LY86: variants seen among roughly 807,000 people sequenced by gnomAD.
LY86 encodes lymphocyte antigen 86.
A neutral mutation model predicts 17.3 loss-of-function variants in LY86; 20 were observed. The observed-to-expected ratio is 1.15, with a 90% CI of 0.81 to 1.68. LY86 has a LOEUF of 1.68. Among genes scored for constraint, LY86 ranks in the 40% most tolerant of loss-of-function variants. LY86 has a pLI of 0.00. For synonymous variants in LY86, 74 were observed against 70.6 expected (o/e 1.05, Z -0.24); for missense variants, 200 against 191.9 (o/e 1.04, Z -0.25).
chr6:6,597,310 AG>A (rs1376178119), intron 1 of LY86, among the ~76,000 whole-genome samples: 2 of 152,196 alleles, frequency 1.3e-5, no homozygotes, highest in African/African-American at 4.8e-5. Flanking sequence ...GTGCCCCATG[AG>A]GCAGGAGCTC....
intron 1 of LY86, 99 bp downstream of exon 1, chr6:6,588,969 G>A (rs1053335635): frequency 2.8e-6 from 4 of 1,439,220 alleles, no homozygotes; most frequent in African/African-American, 1.4e-5. Context: ...GGAGGGGAGA[G>A]GGGACCAGCA....
intron 1 of LY86, 78 bp downstream of exon 1, chr6:6,588,948 G>A: frequency 6.7e-7 from 1 of 1,484,892 alleles, no homozygotes; most frequent in Non-Finnish European, 9.0e-7. Flanking sequence ...TGCTCAGTTG[G>A]AGTTGGGGTG....
chr6:6,642,652 C>A (rs926276877), intron 3 of LY86, among the ~76,000 whole-genome samples: 11 of 152,172 alleles, frequency 7.2e-5, no homozygotes, highest in African/African-American at 2.7e-4. Flanking sequence ...CCTAACTTAC[C>A]AGCTCCAAGT....
At chr6:6,630,002 C>A (rs1224110305) in intron 3 of LY86, among the ~76,000 whole-genome samples, 1 of 152,164 alleles carries the variant, frequency 6.6e-6, no homozygotes, top group Non-Finnish European at 1.5e-5. Flanking sequence ...ACTGTTGAAT[C>A]CTATTGTATA....
At chr6:6,631,496 G>A (rs1761898997) in intron 3 of LY86, among the ~76,000 whole-genome samples, 1 of 152,168 alleles carries the variant, frequency 6.6e-6, no homozygotes, top group Non-Finnish European at 1.5e-5. Flanking sequence ...ATCATCTTTG[G>A]GCATAACCAG....
chr6:6,645,335 C>A (rs1197686323), intron 3 of LY86, among the ~76,000 whole-genome samples: 1 of 152,220 alleles, frequency 6.6e-6, no homozygotes. Flanking sequence ...CCATTTCTAC[C>A]CTTCCTGGGG....
Position 6,654,613 on chromosome 6 carries a change from A to G in LY86, c.475A>G (p.Ile159Val), listed in dbSNP as rs758648795. Reference sequence around the variant, plus strand: ...CACCGTGGCCTGTGCCAATGCTACTATCATGTGCTCCTGACTGTGGCCTGT... The same window carrying G: ...CACCGTGGCCTGTGCCAATGCTACTGTCATGTGCTCCTGACTGTGGCCTGT... ...RSTVACANAT[I>V]MCS Residue 159 changes from isoleucine to valine, a missense_variant, in exon 5 of 5, where the codon ATC becomes GTC. Transcript: ENST00000230568. 9.9e-6 allele frequency: 16 copies of G among 1,614,180 alleles called. No homozygotes were observed. The highest frequency in any genetic ancestry group is 8.9e-5 in the East Asian group (4 of 44,884).
At chr6:6,644,954 T>G (rs1454093414) in intron 3 of LY86, among the ~76,000 whole-genome samples, 2 of 152,140 alleles carry the variant, frequency 1.3e-5, no homozygotes, top group East Asian at 3.8e-4. Context: ...AAGAACTTCA[T>G]GAGCCCCCAA....
chr6:6,650,788 C>T (rs1163421194), intron 4 of LY86, among the ~76,000 whole-genome samples: 1 of 152,146 alleles, frequency 6.6e-6, no homozygotes, highest in East Asian at 1.9e-4. Flanking sequence ...ACTATAGTCA[C>T]CCTACTCTGC....
At chr6:6,595,971 G>A (rs552748687) in intron 1 of LY86, among the ~76,000 whole-genome samples, 18 of 152,310 alleles carry the variant, frequency 1.2e-4, no homozygotes, top group Non-Finnish European at 2.2e-4. Flanking sequence ...CTGGTCACCA[G>A]GCTTCACACT....
At chr6:6,640,367 G>T (rs555707071) in intron 3 of LY86, among the ~76,000 whole-genome samples, 1 of 151,744 alleles carries the variant, frequency 6.6e-6, no homozygotes, top group South Asian at 2.1e-4. Context: ...AGACCAGCCT[G>T]GGCAACATAG....
At chr6:6,632,342 C>A (rs748628826) in intron 3 of LY86, among the ~76,000 whole-genome samples, 3 of 152,194 alleles carry the variant, frequency 2.0e-5, no homozygotes, top group Non-Finnish European at 2.9e-5. Flanking sequence ...TTCTCTATTT[C>A]TCAATTACTG....
intron 3 of LY86, among the ~76,000 whole-genome samples, chr6:6,628,640 C>G (rs1197443439): frequency 5.3e-5 from 8 of 152,100 alleles, no homozygotes. Context: ...CGTGTTCCTA[C>G]TTCTGCTGTA....
intron 3 of LY86, among the ~76,000 whole-genome samples, chr6:6,626,754 T>C (rs900223919): frequency 7.9e-5 from 12 of 151,872 alleles, no homozygotes; most frequent in African/African-American, 2.9e-4. Flanking sequence ...AGGTTCAGAG[T>C]GCTCCCAGGT....
chr6:6,592,677 T>C (rs1035712562), intron 1 of LY86, among the ~76,000 whole-genome samples: 3 of 152,156 alleles, frequency 2.0e-5, no homozygotes, highest in Non-Finnish European at 4.4e-5. Context: ...ATGGGATTAA[T>C]ATCTTAAAAG....
At chr6:6,605,002 G>T (rs1383105214) in intron 1 of LY86, among the ~76,000 whole-genome samples, 1 of 151,138 alleles carries the variant, frequency 6.6e-6, no homozygotes, top group East Asian at 2.0e-4. Context: ...GTATAGTTAA[G>T]TCATTCAATA....
intron 1 of LY86, among the ~76,000 whole-genome samples, chr6:6,597,192 C>G (rs1760741836): frequency 1.3e-5 from 2 of 152,162 alleles, no homozygotes; most frequent in African/African-American, 4.8e-5. Context: ...GTGTGAAGAC[C>G]AGAGCAGTTT....
chr6:6,614,914 A>G (rs190713441), intron 1 of LY86, among the ~76,000 whole-genome samples: 96 of 152,258 alleles, frequency 6.3e-4, no homozygotes, highest in African/African-American at 2.2e-3. Flanking sequence ...GAGACATGAA[A>G]AAAGAGGGAG....
chr6:6,620,595 T>C (rs1007202178), intron 1 of LY86, among the ~76,000 whole-genome samples: 1 of 152,122 alleles, frequency 6.6e-6, no homozygotes, highest in African/African-American at 2.4e-5. Flanking sequence ...ACTTCCAGAG[T>C]CTGTGTCATT....
Sources: gnomAD v4.1 joint callset for allele counts (sites outside exome capture counted in the v4.1 genomes callset) on GRCh38, gnomAD v4.1.1 for gene constraint, MANE v1.5 for transcripts, NCBI Gene and HGNC (gene_info 2026-07-23, HGNC 2026-07-21) for gene names.